Variants in RGS5 observed in about 807,000 individuals in gnomAD.
RGS5 encodes regulator of G protein signaling 5, also known as regulator of G-protein signalling 5.
Under a neutral mutation model 18.9 loss-of-function variants are expected in RGS5, and 20 were observed. That is an observed-to-expected ratio of 1.06 (90% CI 0.74 to 1.54). The LOEUF is 1.54. RGS5 is among the 40% of genes most tolerant of loss of function. The pLI is 0.00. For missense variants in RGS5, 201 were observed against 211.8 expected (o/e 0.95, Z 0.32); for synonymous variants, 57 against 76.2 (o/e 0.75, Z 1.31).
At chr1:163,248,203 T>C (rs967004890) in intron 2 of RGS5, 7 of 152,190 alleles carry the variant, frequency 4.6e-5, no homozygotes, top group Non-Finnish European at 7.3e-5. Flanking sequence ...GAGTCAGATC[T>C]GCCTAGGTTT....
chr1:163,210,740 A>C (rs1571294620), intron 1 of RGS5: 1 of 152,192 alleles, frequency 6.6e-6, no homozygotes, highest in East Asian at 1.9e-4. Flanking sequence ...CTTTTTTTAA[A>C]AAATTTTTTT....
chr1:163,157,397 A>G (rs911717354), intron 3 of RGS5, among the ~76,000 whole-genome samples: 9 of 152,216 alleles, frequency 5.9e-5, no homozygotes, highest in African/African-American at 2.2e-4. Context: ...ATACTTTCAG[A>G]ACACAGTCAC....
upstream of RGS5, among the ~76,000 whole-genome samples, chr1:163,222,334 A>G (rs538225291): frequency 6.6e-6 from 1 of 152,214 alleles, no homozygotes; most frequent in South Asian, 2.1e-4. Flanking sequence ...ACTCCTTATG[A>G]TAATCTAATG....
rs1276294311 is a variant in RGS5, at chr1:163,168,366, G to A, written c.47C>T (p.Ala16Val). The change falls in exon 2 of 5, where the codon GCC becomes GTC. Residue 16 changes from alanine (A) to valine (V), a missense_variant and splice_region_variant. Transcript: ENST00000313961. Reference sequence around the variant, plus strand: ...TCCCAACTTGATCTTAATCTCCTTGGCCCTGAAAGAAGAGACACAAGGGGA... The same window carrying A: ...TCCCAACTTGATCTTAATCTCCTTGACCCTGAAAGAAGAGACACAAGGGGA... ...AALPHSCLERAKEIKIKLGIL... is the reference protein window; with the variant it reads ...AALPHSCLERVKEIKIKLGIL... 1 of 1,611,488 alleles carries A rather than the reference G, an allele frequency of 6.2e-7. No individual in the cohort carries two copies. Among genetic ancestry groups the A allele is most frequent in the Non-Finnish European group, 8.5e-7 (1 of 1,177,760 alleles).
At chr1:163,244,608 C>T (rs1425089615) in intron 2 of RGS5, 1 of 152,072 alleles carries the variant, frequency 6.6e-6, no homozygotes, top group Non-Finnish European at 1.5e-5. Context: ...AATTAAGGGA[C>T]TCGGAAAAGA....
In RGS5 at chr1:163,142,715, C is replaced by T. The variant is rs1196948396; in HGVS notation, c.*4627G>A. On this transcript the variant is annotated 3_prime_UTR_variant, in exon 5 of 5. Transcript: ENST00000313961. Reference sequence around the variant, plus strand: ...ATTTTTCTAGAAAGGAAGTTAAATGCTTTTAATGTATTAATTATTACATTA... The same window carrying T: ...ATTTTTCTAGAAAGGAAGTTAAATGTTTTTAATGTATTAATTATTACATTA... The T allele has an allele frequency of 6.6e-6, 1 of 152,020 alleles. No individual in the cohort carries two copies. The highest frequency in any genetic ancestry group is 6.6e-5 in the Admixed American group (1 of 15,246). The allele number at this position is 152,020 out of a possible 1,614,324, so 9.4% of individuals were successfully genotyped here.
rs574378007 is a variant in RGS5 at position 163,201,252 on chromosome 1, G to A, written c.44+1540C>T. Among the ~76,000 whole-genome samples, 22 of 152,160 alleles carry A rather than the reference G, an allele frequency of 1.4e-4. No individual in the cohort carries two copies. In the East Asian group the frequency reaches 4.3e-3, roughly 29 times the overall value. On this transcript the variant is annotated intron_variant, in intron 1 of 4. Transcript: ENST00000313961. The stretch of plus-strand genomic sequence containing the variant: ...ATGGCAAAGGAAATAATTATACATT[G>A]TCCCATATTCAAGTTTTCTGTGCGT...
intron 1 of RGS5, among the ~76,000 whole-genome samples, chr1:163,312,542 C>T (rs1442209038): frequency 6.6e-6 from 1 of 152,138 alleles, no homozygotes; most frequent in Non-Finnish European, 1.5e-5. Flanking sequence ...GCAAGGCGCA[C>T]AGGGTAGAAG....
chr1:163,264,198 G>T (rs962311273), intron 2 of RGS5, among the ~76,000 whole-genome samples: 1 of 151,896 alleles, frequency 6.6e-6, no homozygotes, highest in Non-Finnish European at 1.5e-5. Flanking sequence ...TGCCCCAAGG[G>T]GTACGATTTC....
intron 1 of RGS5, among the ~76,000 whole-genome samples, chr1:163,315,866 T>G (rs556135405): frequency 6.6e-6 from 1 of 152,326 alleles, no homozygotes; most frequent in African/African-American, 2.4e-5. Context: ...AGAATCTAAT[T>G]TTTTTCATCC....
chr1:163,315,159 A>T (rs1403277655), intron 1 of RGS5, among the ~76,000 whole-genome samples: 1 of 152,212 alleles, frequency 6.6e-6, no homozygotes, highest in Non-Finnish European at 1.5e-5. Context: ...ATTAGACTAC[A>T]TTAAGATCAG....
chr1:163,227,138 G>C (rs1448698975), intron 2 of RGS5, among the ~76,000 whole-genome samples: 1 of 152,202 alleles, frequency 6.6e-6, no homozygotes, highest in Non-Finnish European at 1.5e-5. Flanking sequence ...GAGTGATCAT[G>C]TTAAGGGAAG....
At chr1:163,223,588 CA>C (rs1647273809) in intron 2 of RGS5, among the ~76,000 whole-genome samples, 1 of 152,088 alleles carries the variant, frequency 6.6e-6, no homozygotes, top group Non-Finnish European at 1.5e-5. Flanking sequence ...AAAGATCTAA[CA>C]TCTCACCCTC....
intron 1 of RGS5, among the ~76,000 whole-genome samples, chr1:163,181,553 G>C (rs1658847874): frequency 6.6e-6 from 1 of 152,200 alleles, no homozygotes; most frequent in African/African-American, 2.4e-5. Flanking sequence ...CTCGTGGCCA[G>C]TAAGTTACAG....
At chr1:163,308,157 G>C (rs1177248334) in intron 1 of RGS5, among the ~76,000 whole-genome samples, 1 of 152,172 alleles carries the variant, frequency 6.6e-6, no homozygotes, top group African/African-American at 2.4e-5. Context: ...AGTCAGCAGT[G>C]TGCTACATTT....
At chr1:163,168,406 A>G (rs368050068) in intron 1 of RGS5, 38 bp from the exon 2 acceptor site, 290 of 1,380,982 alleles carry the variant, frequency 2.1e-4, no homozygotes, top group Non-Finnish European at 2.7e-4. Context: ...AGGACACCAC[A>G]TGTGCATACA....
At chr1:163,196,157 G>A (rs1280544062) in intron 1 of RGS5, among the ~76,000 whole-genome samples, 2 of 151,962 alleles carry the variant, frequency 1.3e-5, no homozygotes, top group African/African-American at 4.8e-5. Context: ...GGGTGACTCA[G>A]CCTTCAAAGT....
chr1:163,265,493 T>C (rs1648553483), intron 2 of RGS5, among the ~76,000 whole-genome samples: 1 of 152,162 alleles, frequency 6.6e-6, no homozygotes, highest in Non-Finnish European at 1.5e-5. Flanking sequence ...CTTTTTAAAC[T>C]CCTTTCAAGT....
At chr1:163,280,453 C>G (rs1648962721) in intron 2 of RGS5, among the ~76,000 whole-genome samples, 1 of 151,954 alleles carries the variant, frequency 6.6e-6, no homozygotes, top group South Asian at 2.1e-4. Flanking sequence ...TCATAAAATT[C>G]AATAACTTTT....
Sources: allele counts gnomAD v4.1 joint callset (sites outside exome capture counted in the v4.1 genomes callset), GRCh38; gene constraint gnomAD v4.1.1; transcripts MANE v1.5; gene names NCBI Gene and HGNC (gene_info 2026-07-23, HGNC 2026-07-21).